TSGA10: variants seen among roughly 807,000 people sequenced by gnomAD.
TSGA10 encodes the protein testis specific 10.
Under a neutral mutation model 96.6 loss-of-function variants are expected in TSGA10, and 43 were observed. That is an observed-to-expected ratio of 0.44 (90% confidence interval 0.35 to 0.57). TSGA10 has a LOEUF of 0.57. TSGA10 is among the 20% of genes least tolerant of loss of function. The probability of loss-of-function intolerance (pLI) is 0.01; values close to 1 mark genes in which losing one functional copy is unlikely to be tolerated. For missense variants in TSGA10, 703 were observed against 834.4 expected (o/e 0.84, Z 1.94); for synonymous variants, 229 against 269.9 (o/e 0.85, Z 1.48).
At chr2:99,102,309 G>A (rs2090865264) in intron 10 of TSGA10, 8 of 1,611,972 alleles carry the variant, frequency 5.0e-6, no homozygotes, top group Non-Finnish European at 6.8e-6. Flanking sequence ...TCAAGATGAA[G>A]GAGAAGGGAG....
chr2:99,017,503 C>T (rs1285777349), intron 20 of TSGA10, among the ~76,000 whole-genome samples: 1 of 152,150 alleles, frequency 6.6e-6, no homozygotes, highest in Non-Finnish European at 1.5e-5. Flanking sequence ...CGGTGGCTCA[C>T]GCCTGTAATC....
At chr2:99,064,277 A>G (rs895917389) in intron 16 of TSGA10, among the ~76,000 whole-genome samples, 1 of 152,224 alleles carries the variant, frequency 6.6e-6, no homozygotes, top group Non-Finnish European at 1.5e-5. Context: ...GAATTTTAAA[A>G]AGGGAATATT....
At chr2:99,144,523 G>A (rs2093611995) in intron 1 of TSGA10, among the ~76,000 whole-genome samples, 1 of 151,772 alleles carries the variant, frequency 6.6e-6, no homozygotes, top group Non-Finnish European at 1.5e-5. Context: ...GGTGGCTCAT[G>A]CCTGTAATCC....
Position 99,096,588 on chromosome 2 carries a change from C to T in TSGA10, c.611+7379G>A, listed in dbSNP as rs1357344203. Among the ~76,000 whole-genome samples the T allele has an allele frequency of 2.6e-5, 4 of 152,198 alleles. No homozygotes were observed. In the East Asian group the frequency reaches 7.7e-4, roughly 29 times the overall value. ...TCCTTAATTCCCTTTACATTTGACT[C>T]AAATTTTGCTTCCAGTGTTGTAACT... On this transcript the variant is annotated intron_variant, in intron 10 of 20. Transcript: ENST00000393483.
At chr2:99,027,320 G>A (rs1486001859) in intron 17 of TSGA10, among the ~76,000 whole-genome samples, 1 of 152,206 alleles carries the variant, frequency 6.6e-6, no homozygotes, top group Non-Finnish European at 1.5e-5. Context: ...AATACTGTAT[G>A]ATCTTACTTA....
chr2:99,107,639 G>A (rs910120664), intron 7 of TSGA10, among the ~76,000 whole-genome samples: 1 of 152,072 alleles, frequency 6.6e-6, no homozygotes, highest in African/African-American at 2.4e-5. Context: ...AATGGTTGGG[G>A]AAAATATCAA....
chr2:99,086,147 T>A (rs993620268), intron 10 of TSGA10, among the ~76,000 whole-genome samples: 4 of 152,150 alleles, frequency 2.6e-5, no homozygotes, highest in African/African-American at 9.7e-5. Context: ...ATAACAAACC[T>A]ATACATGTAC....
At chr2:99,122,165 G>C (rs771405726) in intron 2 of TSGA10, among the ~76,000 whole-genome samples, 2 of 152,184 alleles carry the variant, frequency 1.3e-5, no homozygotes, top group Non-Finnish European at 2.9e-5. Flanking sequence ...GATTACTGTA[G>C]TTATAAGTGT....
chr2:99,086,602 T>G (rs937960027), intron 10 of TSGA10, among the ~76,000 whole-genome samples: 2 of 152,180 alleles, frequency 1.3e-5, no homozygotes, highest in African/African-American at 4.8e-5. Flanking sequence ...AATCTCATAA[T>G]AGGCATCTAT....
At chr2:99,080,467 C>A (rs965751352) in intron 11 of TSGA10, among the ~76,000 whole-genome samples, 1 of 152,100 alleles carries the variant, frequency 6.6e-6, no homozygotes, top group Non-Finnish European at 1.5e-5. Flanking sequence ...TTTAAAATAT[C>A]ATTTATATGC....
At chr2:99,000,773 C>T (rs1464193747) in intron 20 of TSGA10, among the ~76,000 whole-genome samples, 1 of 152,118 alleles carries the variant, frequency 6.6e-6, no homozygotes, top group Non-Finnish European at 1.5e-5. Flanking sequence ...TCCCACTCTA[C>T]TACTGTGCTT....
At chr2:99,123,379 AT>A (rs1227990328) in intron 2 of TSGA10, among the ~76,000 whole-genome samples, 2 of 151,668 alleles carry the variant, frequency 1.3e-5, no homozygotes, top group East Asian at 3.9e-4. Context: ...CTCTATTCAA[AT>A]TTTTTTCCAT....
At chr2:99,145,678 T>C (rs529675472) in intron 1 of TSGA10, among the ~76,000 whole-genome samples, 1 of 152,270 alleles carries the variant, frequency 6.6e-6, no homozygotes, top group Non-Finnish European at 1.5e-5. Context: ...CCACATAACA[T>C]AACATAGTCC....
At chr2:99,042,148 T>C (rs2082258129) in intron 16 of TSGA10, among the ~76,000 whole-genome samples, 1 of 152,066 alleles carries the variant, frequency 6.6e-6, no homozygotes, top group Admixed American at 6.5e-5. Context: ...AATGACATTT[T>C]TATAGATAAA....
At chr2:99,133,627 T>G (rs1200298731) in intron 1 of TSGA10, among the ~76,000 whole-genome samples, 1 of 152,218 alleles carries the variant, frequency 6.6e-6, no homozygotes, top group Non-Finnish European at 1.5e-5. Context: ...ATCCTGTCAT[T>G]ATGATGCCAG....
At chr2:99,139,242 G>A (rs927925223) in intron 1 of TSGA10, among the ~76,000 whole-genome samples, 2 of 152,010 alleles carry the variant, frequency 1.3e-5, no homozygotes, top group Non-Finnish European at 2.9e-5. Flanking sequence ...CAGCCTGAGC[G>A]ACAGTGAGAT....
intron 4 of TSGA10, among the ~76,000 whole-genome samples, chr2:99,115,991 T>C (rs1362322862): frequency 1.3e-5 from 2 of 152,236 alleles, no homozygotes; most frequent in Non-Finnish European, 2.9e-5. Flanking sequence ...AGGTCATCAA[T>C]TGGACTCATA....
In TSGA10 at chr2:99,028,012, T is replaced by C. The variant is rs529413880; in HGVS notation, c.1614+7218A>G. On this transcript the variant is annotated intron_variant, in intron 17 of 20. Transcript: ENST00000393483. ...TTCCCTTGCGGTATATAGCCTCCGA[T>C]GTTGCTCCTCAGGGTATGCACATAG... Among the ~76,000 whole-genome samples, 233 of 152,314 alleles carry C rather than the reference T, an allele frequency of 1.5e-3. 3 individuals carry two copies. The highest frequency in any genetic ancestry group is 5.5e-3 in the African/African-American group (229 of 41,570).
rs552718607 is a variant in TSGA10, at chr2:99,118,444, C to CT, written c.-356+106dup. ...CCAGCCTTGGTGACACAGCAAGACT[C>CT]TATCTCAAAAAAAAAAAAAAAAAAG... On this transcript the variant is annotated intron_variant, in intron 3 of 20. Transcript: ENST00000393483. 2.5e-4 allele frequency: 81 copies of CT among 318,228 alleles called. 2 individuals are homozygous for CT. In the East Asian group the frequency reaches 0.01, roughly 41 times the overall value. The allele number at this position is 318,228 out of a possible 1,614,324, so 19.7% of individuals were successfully genotyped here. A position where few individuals can be genotyped will look rare whatever the true frequency, so the allele number is the denominator to read the frequency against.
Sources: gnomAD v4.1 joint callset for allele counts (sites outside exome capture counted in the v4.1 genomes callset) on GRCh38, gnomAD v4.1.1 for gene constraint, MANE v1.5 for transcripts, NCBI Gene and HGNC (gene_info 2026-07-23, HGNC 2026-07-21) for gene names.